WWTR1: variants seen among roughly 807,000 people sequenced by gnomAD.
The protein encoded by WWTR1 is WW domain-containing transcription regulator protein 1.
WWTR1 carries 13 observed loss-of-function variants against 40.1 expected under a neutral mutation model. The observed-to-expected ratio is 0.32, with a 90% CI of 0.21 to 0.52. WWTR1 has a LOEUF of 0.52. WWTR1 is among the 20% of genes least tolerant of loss of function. WWTR1 has a pLI of 0.97. For synonymous variants in WWTR1, 230 were observed against 210.1 expected, an observed-to-expected ratio of 1.09 and a Z score of -0.82; for missense variants, 436 against 523.1, an observed-to-expected ratio of 0.83 and a Z score of 1.63.
chr3:149,542,720 C>T (rs1308167796), intron 3 of WWTR1, among the ~76,000 whole-genome samples, 183 bp from the exon 4 acceptor site: 6 of 152,214 alleles, frequency 3.9e-5, no homozygotes, highest in African/African-American at 1.4e-4. Flanking sequence ...GGCTCGAATA[C>T]TGGCCCCAAT....
intron 2 of WWTR1, among the ~76,000 whole-genome samples, chr3:149,619,728 CCTA>C (rs1304322057): frequency 6.6e-6 from 1 of 152,122 alleles, no homozygotes; most frequent in Non-Finnish European, 1.5e-5. Context: ...TTTGTTCAAG[CCTA>C]CTACTTTAGG....
Position 149,518,974 on chromosome 3 carries a change from T to C in WWTR1, c.*1831A>G, listed in dbSNP as rs1269089730. On this transcript the variant is annotated 3_prime_UTR_variant, in exon 7 of 7. Coordinates refer to ENST00000360632, the MANE Select transcript of WWTR1 (RefSeq NM_015472.6). ...TTGCCTTCTTTCCAACATGATCCAA[T>C]GTACTCTGTACATGTATATTCCGGT... 6.6e-6 allele frequency: 1 copy of C among 152,000 alleles called. No homozygotes were observed. Among genetic ancestry groups the C allele is most frequent in the African/African-American group, 2.4e-5 (1 of 41,372 alleles). 9.4% of individuals were successfully genotyped at this position (152,000 alleles called of 1,614,324 possible).
chr3:149,580,095 G>C (rs577153233), intron 2 of WWTR1, among the ~76,000 whole-genome samples: 6 of 152,128 alleles, frequency 3.9e-5, no homozygotes, highest in Non-Finnish European at 5.9e-5. Context: ...GTATGCAAAA[G>C]GTGGTTTACT....
At chr3:149,572,325 G>C (rs1737676545) in intron 3 of WWTR1, among the ~76,000 whole-genome samples, 1 of 152,094 alleles carries the variant, frequency 6.6e-6, no homozygotes, top group African/African-American at 2.4e-5. Flanking sequence ...ATAAGGATAG[G>C]GATTTGAGAC....
upstream of WWTR1, among the ~76,000 whole-genome samples, chr3:149,706,301 A>C (rs528627520): frequency 6.6e-6 from 1 of 152,312 alleles, no homozygotes; most frequent in South Asian, 2.1e-4. Context: ...TGTAAACCTT[A>C]GTATTTCTAC....
chr3:149,591,223 T>C (rs1034835656), intron 2 of WWTR1, among the ~76,000 whole-genome samples: 1 of 152,114 alleles, frequency 6.6e-6, no homozygotes, highest in African/African-American at 2.4e-5. Flanking sequence ...GAAGATAGAT[T>C]TGGAGATGCA....
Position 149,519,560 on chromosome 3 carries a change from T to A in WWTR1, c.*1245A>T, listed in dbSNP as rs938083732. 1 of 152,316 alleles carries A rather than the reference T, an allele frequency of 6.6e-6. No individual in the cohort carries two copies. Among genetic ancestry groups the A allele is most frequent in the Non-Finnish European group, 1.5e-5 (1 of 68,038 alleles). The allele number at this position is 152,316 out of a possible 1,614,324, so 9.4% of individuals were successfully genotyped here. A position where few individuals can be genotyped will look rare whatever the true frequency, so the allele number is the denominator to read the frequency against. On this transcript the variant is annotated 3_prime_UTR_variant, in exon 7 of 7. Coordinates refer to ENST00000360632, the MANE Select transcript of WWTR1 (RefSeq NM_015472.6). Reference sequence around the variant, plus strand: ...TTGTCCTGATGTTTTCAGAGTTATTTCAAAAGACAAAAATACAGTTGCCAC... The same window carrying A: ...TTGTCCTGATGTTTTCAGAGTTATTACAAAAGACAAAAATACAGTTGCCAC...
chr3:149,588,924 C>T (rs934378286), intron 2 of WWTR1, among the ~76,000 whole-genome samples: 10 of 152,096 alleles, frequency 6.6e-5, no homozygotes, highest in Non-Finnish European at 1.3e-4. Flanking sequence ...CCTAAAGGTG[C>T]TCTGAACTAG....
chr3:149,568,453 G>A (rs1057018740), intron 3 of WWTR1, among the ~76,000 whole-genome samples: 4 of 135,518 alleles, frequency 3.0e-5, no homozygotes, highest in Non-Finnish European at 6.2e-5. Flanking sequence ...AGCCTGATTT[G>A]GCAAATACAA....
chr3:149,566,954 A>T (rs1234240115), intron 3 of WWTR1, among the ~76,000 whole-genome samples: 1 of 152,184 alleles, frequency 6.6e-6, no homozygotes, highest in Non-Finnish European at 1.5e-5. Flanking sequence ...GTGTATATGT[A>T]ACTTTAAAAA....
At chr3:149,568,547 A>ACC (rs1737456149) in intron 3 of WWTR1, among the ~76,000 whole-genome samples, 25 of 141,528 alleles carry the variant, frequency 1.8e-4, no homozygotes, top group Non-Finnish European at 2.7e-4. Context: ...AAAAAAAAAA[A>ACC]AAAAAAAAAA....
chr3:149,605,732 C>T (rs900644371), intron 2 of WWTR1, among the ~76,000 whole-genome samples: 3 of 152,194 alleles, frequency 2.0e-5, no homozygotes, highest in South Asian at 2.1e-4. Flanking sequence ...AATGTGGTCC[C>T]GAGTTACAGA....
intron 2 of WWTR1, among the ~76,000 whole-genome samples, chr3:149,593,392 T>C (rs913497188): frequency 1.1e-4 from 17 of 152,110 alleles, no homozygotes; most frequent in Non-Finnish European, 2.5e-4. Context: ...TTCTTTCTTT[T>C]TTTTTTTTTA....
At position 149,657,258 on chromosome 3, in the gene WWTR1, C is replaced by G. The variant is rs963468962; in HGVS notation, c.49G>C (p.Val17Leu). Residue 17 changes from valine (V) to leucine (L), a missense_variant, in exon 2 of 7, where the codon GTG (valine) becomes CTG (leucine). Transcript: ENST00000360632. ...TCTAGGTCCTGCGTGACGTGGATCA[C>G]TTGCTGCCCAGGCGGCGGGAGCGGA... ...PPPLPPPGQQ[V>L]IHVTQDLDTD... 1.2e-6 allele frequency: 2 copies of G among 1,613,312 alleles called. No individual in the cohort carries two copies. Among genetic ancestry groups the G allele is most frequent in the Non-Finnish European group, 1.7e-6 (2 of 1,179,724 alleles).
chr3:149,656,896 A>C lies in WWTR1; in HGVS notation c.411T>G (p.Thr137=). 6.5e-7 allele frequency: 1 copy of C among 1,535,056 alleles called. No individual in the cohort carries two copies. Among genetic ancestry groups the C allele is most frequent in the Non-Finnish European group, 8.7e-7 (1 of 1,147,958 alleles). The change falls in exon 2 of 7, where the codon ACT becomes ACG. Residue 137 remains threonine, a synonymous_variant. Transcript: ENST00000360632. ...CTTACTTGAGGAAGTACCTCTGGCC[A>C]GTGGCCGTGAAGGTCATCTCCCAGC... The part of the protein sequence containing the change: ...PPGWEMTFTA[T]GQRYFLNHIE...
intron 2 of WWTR1, among the ~76,000 whole-genome samples, chr3:149,656,607 C>T (rs11924280): frequency 0.057 from 8,722 of 152,148 alleles, 293 homozygotes; most frequent in Non-Finnish European, 0.081. Context: ...AGATTCAAGG[C>T]AAAGTCACCT....
chr3:149,590,484 T>A (rs1252343808), intron 2 of WWTR1, among the ~76,000 whole-genome samples: 3 of 152,072 alleles, frequency 2.0e-5, no homozygotes, highest in African/African-American at 7.2e-5. Flanking sequence ...ACCCCATCTC[T>A]ACTAAAAATA....
At chr3:149,669,768 GAATA>G (rs1713995703) in intron 2 of WWTR1, 1 of 151,440 alleles carries the variant, frequency 6.6e-6, no homozygotes, top group African/African-American at 2.4e-5. Context: ...AAAAAAAAAT[GAATA>G]AAAATAGATG....
chr3:149,615,460 G>C (rs17195679), intron 2 of WWTR1, among the ~76,000 whole-genome samples: 8,286 of 152,280 alleles, frequency 0.054, 341 homozygotes, highest in Non-Finnish European at 0.081. Context: ...GACGATTGCT[G>C]AAGTGGAGGG....
Sources: allele counts gnomAD v4.1 joint callset (sites outside exome capture counted in the v4.1 genomes callset), GRCh38; gene constraint gnomAD v4.1.1; transcripts MANE v1.5; gene names NCBI Gene and HGNC (gene_info 2026-07-23, HGNC 2026-07-21).